Variants in LIX1L observed in about 807,000 individuals in gnomAD.
LIX1L encodes limb and CNS expressed 1 like.
LIX1L carries 20 observed loss-of-function variants against 34.0 expected under a neutral mutation model. That is an observed-to-expected ratio of 0.59 (90% CI 0.41 to 0.85). LIX1L has a LOEUF of 0.85. Among genes scored for constraint, LIX1L ranks in the 40% least tolerant of loss-of-function variants. The pLI, the probability that LIX1L is intolerant of heterozygous loss-of-function variation, is 0.00. For synonymous variants in LIX1L, 170 were observed against 187.4 expected (o/e 0.91, Z 0.76); for missense variants, 397 against 447.0 (o/e 0.89, Z 1.01).
intron 3 of LIX1L, among the ~76,000 whole-genome samples, 188 bp downstream of exon 3, chr1:145,942,525 C>T (rs1648957507): frequency 6.6e-6 from 1 of 152,232 alleles, no homozygotes; most frequent in Middle Eastern, 3.4e-3. Flanking sequence ...AACACAGATA[C>T]AGAACTAGAG....
At position 145,947,848 on chromosome 1, in the gene LIX1L, A is replaced by G. The variant is rs188403814; in HGVS notation, c.293-66T>C. On this transcript the variant is annotated intron_variant, in intron 1 of 5. Transcript: ENST00000604000. ...CACCTCCACGTGGTGCTATACTTCAATACAGTACCTGTAACCTGTACCTAC... is the reference window on the plus strand; with the variant it reads ...CACCTCCACGTGGTGCTATACTTCAGTACAGTACCTGTAACCTGTACCTAC... The G allele has an allele frequency of 8.2e-4, 1,156 of 1,415,704 alleles. 11 individuals are homozygous for G. In the Admixed American group the frequency reaches 0.015, roughly 19 times the overall value. The allele number at this position is 1,415,704 out of a possible 1,614,324, so 87.7% of individuals were successfully genotyped here.
Position 145,957,799 on chromosome 1 carries a change from C to A in LIX1L, c.129G>T (p.Pro43=). 7.4e-7 allele frequency: 1 copy of A among 1,344,730 alleles called. No individual in the cohort carries two copies. 83.3% of individuals were successfully genotyped at this position (1,344,730 alleles called of 1,614,324 possible). A position where few individuals can be genotyped will look rare whatever the true frequency, so the allele number is the denominator to read the frequency against. ...GCGGTGCGGGAGGCGGCGGGGCAGG[C>A]GGGGGGCCCGCAGGGGGTGTGGCGG... ...AATATPPAGP[P]PAPPPPAPPP... Residue 43 remains proline, a synonymous_variant, in exon 1 of 6, where the codon CCG becomes CCT. Transcript: ENST00000604000.
At chr1:145,939,045 A>C (rs1648777697) in intron 3 of LIX1L, among the ~76,000 whole-genome samples, 1 of 147,824 alleles carries the variant, frequency 6.8e-6, no homozygotes, top group African/African-American at 2.5e-5. Flanking sequence ...AGTACAGTGG[A>C]TGGTCACTGC....
chr1:145,946,028 C>T (rs587717454), intron 2 of LIX1L, among the ~76,000 whole-genome samples: 2 of 151,058 alleles, frequency 1.3e-5, no homozygotes, highest in African/African-American at 4.9e-5. Flanking sequence ...CACTTGAGCC[C>T]AGGAGGCGGA....
intron 1 of LIX1L, among the ~76,000 whole-genome samples, chr1:145,947,994 C>T (rs1228441051): frequency 6.6e-6 from 1 of 152,196 alleles, no homozygotes; most frequent in Non-Finnish European, 1.5e-5. Flanking sequence ...CCCTCCTCCA[C>T]CACTTTTCTG....
intron 2 of LIX1L, among the ~76,000 whole-genome samples, chr1:145,946,851 G>A (rs1430272777): frequency 6.6e-6 from 1 of 152,058 alleles, no homozygotes; most frequent in Non-Finnish European, 1.5e-5. Context: ...ACAGAACAAA[G>A]GTGTTTATTA....
intron 2 of LIX1L, among the ~76,000 whole-genome samples, chr1:145,946,046 G>A (rs1384247825): frequency 2.6e-5 from 4 of 151,528 alleles, no homozygotes; most frequent in African/African-American, 7.3e-5. Context: ...GGAGGTTGCA[G>A]TGAGCCAAGA....
intron 1 of LIX1L, among the ~76,000 whole-genome samples, chr1:145,949,902 C>T (rs1156429383): frequency 6.6e-6 from 1 of 151,718 alleles, no homozygotes; most frequent in Non-Finnish European, 1.5e-5. Flanking sequence ...CTGCAACCTC[C>T]ACCTCCCAGG....
intron 1 of LIX1L, among the ~76,000 whole-genome samples, chr1:145,955,160 A>T (rs1649427097): frequency 6.6e-6 from 1 of 152,238 alleles, no homozygotes; most frequent in African/African-American, 2.4e-5. Flanking sequence ...CTCCAAGATC[A>T]CACAGCCAAC....
chr1:145,941,454 T>C (rs1159120301), intron 3 of LIX1L, among the ~76,000 whole-genome samples: 1 of 152,076 alleles, frequency 6.6e-6, no homozygotes, highest in African/African-American at 2.4e-5. Context: ...GGTTTTGCCA[T>C]GTTAGCCAGG....
chr1:145,954,332 A>C (rs1649398583), intron 1 of LIX1L, among the ~76,000 whole-genome samples: 1 of 152,198 alleles, frequency 6.6e-6, no homozygotes, highest in Non-Finnish European at 1.5e-5. Context: ...AAGTTGTGAT[A>C]ATTTGTTACA....
chr1:145,950,408 A>T (rs1463289634), intron 1 of LIX1L: 1 of 151,804 alleles, frequency 6.6e-6, no homozygotes, highest in Non-Finnish European at 1.5e-5. Context: ...ACAGATTCTC[A>T]CTCTGTCGCC....
Position 145,934,578 on chromosome 1 carries a change from A to ACAAAAACAAAACC in LIX1L, c.*1731_*1732insGGTTTTGTTTTTG, listed in dbSNP as rs1559236015. The ACAAAAACAAAACC allele has an allele frequency of 7.6e-6, 1 of 130,804 alleles. No individual in the cohort carries two copies. The highest frequency in any genetic ancestry group is 2.4e-4 in the South Asian group (1 of 4,156). 8.1% of individuals were successfully genotyped at this position (130,804 alleles called of 1,614,324 possible). On this transcript the variant is annotated 3_prime_UTR_variant, in exon 6 of 6. Coordinates refer to ENST00000604000, the MANE Select transcript of LIX1L (RefSeq NM_153713.3). ...GACAGAGCGAGACTCCGTCTCAAAA[A>ACAAAAACAAAACC]AAAAAAAAACACACAAATAGTTTGG...
intron 3 of LIX1L, among the ~76,000 whole-genome samples, chr1:145,938,123 GA>G (rs1221307781): frequency 0.013 from 1,539 of 115,222 alleles, 18 homozygotes; most frequent in South Asian, 0.043. Flanking sequence ...CTCTGTCTCA[GA>G]AAAAAAAAAA....
chr1:145,935,303 G>A lies in LIX1L; in HGVS notation c.*1007C>T, dbSNP rs1553757605. ...CATTTAATTTTCCTGATCAACTTAT[G>A]TTCTAATAATTAATGTGGAAGGAGA... is the stretch of plus-strand genomic sequence containing the variant. On this transcript the variant is annotated 3_prime_UTR_variant, in exon 6 of 6. Transcript: ENST00000604000. 1.3e-5 allele frequency: 2 copies of A among 152,104 alleles called. No homozygotes were observed. The highest frequency in any genetic ancestry group is 2.9e-5 in the Non-Finnish European group (2 of 68,042). The allele number at this position is 152,104 out of a possible 1,614,324, so 9.4% of individuals were successfully genotyped here. A position where few individuals can be genotyped will look rare whatever the true frequency, so the allele number is the denominator to read the frequency against.
At chr1:145,940,445 C>G (rs1228098537) in intron 3 of LIX1L, among the ~76,000 whole-genome samples, 1 of 150,744 alleles carries the variant, frequency 6.6e-6, no homozygotes, top group Non-Finnish European at 1.5e-5. Context: ...CTCCCAGGTT[C>G]AAGCGAGTCT....
intron 1 of LIX1L, among the ~76,000 whole-genome samples, chr1:145,952,954 G>A (rs1553759987): frequency 6.6e-6 from 1 of 151,624 alleles, no homozygotes; most frequent in African/African-American, 2.4e-5. Flanking sequence ...CTCTATCGCT[G>A]AAGCTAGAAT....
chr1:145,951,187 T>A (rs1326970923), intron 1 of LIX1L, among the ~76,000 whole-genome samples: 1 of 152,176 alleles, frequency 6.6e-6, no homozygotes, highest in East Asian at 1.9e-4. Flanking sequence ...GCTGGGATTA[T>A]AGGCACATGC....
At chr1:145,947,144 A>T (rs1649139412) in intron 2 of LIX1L, 1 of 154,372 alleles carries the variant, frequency 6.5e-6, no homozygotes, top group Non-Finnish European at 1.4e-5. Context: ...ATTCAGAAGA[A>T]TGTAAATTTG....
Sources: allele counts gnomAD v4.1 joint callset (sites outside exome capture counted in the v4.1 genomes callset), GRCh38; gene constraint gnomAD v4.1.1; transcripts MANE v1.5; gene names NCBI Gene and HGNC (gene_info 2026-07-23, HGNC 2026-07-21).